Variants in KDM6A observed in about 807,000 individuals in gnomAD.
KDM6A encodes the protein lysine-specific demethylase 6A.
KDM6A carries 11 observed loss-of-function variants against 117.6 expected under a neutral mutation model. That is an observed-to-expected ratio of 0.09 (90% CI 0.06 to 0.15). The LOEUF is 0.15. Ranked by LOEUF, KDM6A falls within the 10% of genes least tolerant of loss-of-function variation. The pLI, the probability that KDM6A is intolerant of heterozygous loss-of-function variation, is 1.00. For synonymous variants in KDM6A, 384 were observed against 396.1 expected, an observed-to-expected ratio of 0.97 and a Z score of 0.36; for missense variants, 799 against 1,077.3, an observed-to-expected ratio of 0.74 and a Z score of 3.62.
intron 2 of KDM6A, among the ~76,000 whole-genome samples, chrX:44,895,068 C>CTTTTA (rs1236279944): frequency 3.1e-5 from 3 of 97,596 alleles, no homozygotes; most frequent in African/African-American, 1.1e-4. Context: ...CGCCCAGCAA[C>CTTTTA]TTTTATTTTA....
rs761298679 is a variant in KDM6A, at chrX:45,070,615, C to T, written c.2858+258C>T. On this transcript the variant is annotated intron_variant, in intron 18 of 29. Coordinates refer to ENST00000611820, the MANE Select transcript of KDM6A (RefSeq NM_001291415.2). The stretch of plus-strand genomic sequence containing the variant: ...CCTCTACTGGTTACTAGGTTGTCAG[C>T]TTCAGTGTGATTGACTTCGCTCTGG... Among the ~76,000 whole-genome samples, 4 of 110,674 alleles carry T rather than the reference C, an allele frequency of 3.6e-5. No individual in the cohort carries two copies. The East Asian group carries it at 1.1e-3, about 32-fold the overall frequency.
intron 17 of KDM6A, among the ~76,000 whole-genome samples, chrX:45,067,477 G>A (rs1056521671): frequency 9.1e-6 from 1 of 110,474 alleles, no homozygotes; most frequent in Non-Finnish European, 1.9e-5. Flanking sequence ...GACTTTCTTG[G>A]ATAATATTTT....
rs755522514 is a variant in KDM6A at position 45,006,748 on chromosome X, A to G, written c.385-4213A>G. ...AAGGTAAAGGATTGAACATACTGAC[A>G]TATTGATTCTTTGAAAAGAAATTTA... On this transcript the variant is annotated intron_variant, in intron 4 of 29. Transcript: ENST00000611820. 2.7e-5 allele frequency among the ~76,000 whole-genome samples: 3 copies of G among 111,313 alleles called. No homozygotes were observed. The South Asian group carries it at 1.1e-3, about 42-fold the overall frequency.
At chrX:44,955,043 A>G (rs936085469) in intron 2 of KDM6A, among the ~76,000 whole-genome samples, 3 of 111,935 alleles carry the variant, frequency 2.7e-5, no homozygotes, top group Admixed American at 1.9e-4. Context: ...ATTTTTGAAC[A>G]GTGCCAGAAA....
intron 4 of KDM6A, among the ~76,000 whole-genome samples, chrX:44,992,883 A>G (rs923007091): frequency 2.7e-5 from 3 of 111,681 alleles, no homozygotes; most frequent in Non-Finnish European, 5.6e-5. Context: ...AAGGTATCTA[A>G]TAATATTTTA....
rs368265159 is a variant in KDM6A, at chrX:45,076,757, A to G, written c.2919A>G (p.Pro973=). 16 of 1,183,705 alleles carry G rather than the reference A, an allele frequency of 1.4e-5. No homozygotes were observed. The highest frequency in any genetic ancestry group is 1.8e-5 in the Non-Finnish European group (16 of 873,654). Residue 973 remains proline, a synonymous_variant, in exon 19 of 30, where the codon CCA becomes CCG. Transcript: ENST00000611820. ...SSILLDKCPP[P]RPPSSPYPPL... is the part of the protein sequence containing the mutation. ...TTTTGTTGGATAAATGTCCACCTCC[A>G]AGACCACCATCTTCACCATACCCTC...
intron 2 of KDM6A, among the ~76,000 whole-genome samples, chrX:44,943,033 A>T (rs1285521442): frequency 9.0e-6 from 1 of 111,510 alleles, no homozygotes; most frequent in East Asian, 2.8e-4. Flanking sequence ...TTGTATTGTC[A>T]TACATTTTAT....
At chrX:45,068,575 AAAAAG>A (rs2044646639) in intron 17 of KDM6A, among the ~76,000 whole-genome samples, 1 of 106,563 alleles carries the variant, frequency 9.4e-6, no homozygotes, top group Non-Finnish European at 1.9e-5. Flanking sequence ...AAAAAAAAAA[AAAAAG>A]AGAGACACAA....
At chrX:44,964,673 G>A (rs1051530101) in intron 3 of KDM6A, among the ~76,000 whole-genome samples, 8 of 111,444 alleles carry the variant, frequency 7.2e-5, no homozygotes, top group South Asian at 3.7e-4. Context: ...ATATTCAGTC[G>A]ACTGTGCTGT....
chrX:44,889,940 T>A (rs897525361), intron 2 of KDM6A, among the ~76,000 whole-genome samples: 4 of 112,498 alleles, frequency 3.6e-5, no homozygotes, highest in African/African-American at 1.3e-4. Flanking sequence ...TTCCCCCAAC[T>A]GTAGCATCTT....
chrX:44,896,983 C>T (rs1214043933), intron 2 of KDM6A, among the ~76,000 whole-genome samples: 1 of 109,885 alleles, frequency 9.1e-6, no homozygotes, highest in African/African-American at 3.3e-5. Context: ...GTTTACTCAC[C>T]TTTTTGTATC....
chrX:45,009,652 C>T, intron 4 of KDM6A, among the ~76,000 whole-genome samples: 1 of 111,578 alleles, frequency 9.0e-6, no homozygotes, highest in Middle Eastern at 4.6e-3. Flanking sequence ...GGGCTTTAAA[C>T]ATCATTGGTT....
chrX:44,948,159 G>A (rs940002916), intron 2 of KDM6A, among the ~76,000 whole-genome samples: 5 of 111,954 alleles, frequency 4.5e-5, no homozygotes, highest in Admixed American at 9.6e-5. Flanking sequence ...TGGCTTACAT[G>A]GAAGATTGAT....
At chrX:45,003,261 T>C (rs1376361681) in intron 4 of KDM6A, among the ~76,000 whole-genome samples, 1 of 110,906 alleles carries the variant, frequency 9.0e-6, no homozygotes, top group Non-Finnish European at 1.9e-5. Context: ...AGGGAGGAAC[T>C]GTCTATCGTC....
intron 27 of KDM6A, among the ~76,000 whole-genome samples, chrX:45,102,721 T>C (rs909672358): frequency 8.9e-6 from 1 of 112,033 alleles, no homozygotes; most frequent in African/African-American, 3.2e-5. Flanking sequence ...TGCATTCTCA[T>C]GGTTAATATA....
chrX:45,003,238 A>G (rs978920072), intron 4 of KDM6A, among the ~76,000 whole-genome samples: 9 of 110,228 alleles, frequency 8.2e-5, no homozygotes, highest in African/African-American at 2.0e-4. Flanking sequence ...TTTTCCGTCA[A>G]TCACCCAGGA....
chrX:45,095,125 G>A (rs2046050889), intron 27 of KDM6A, among the ~76,000 whole-genome samples: 1 of 111,382 alleles, frequency 9.0e-6, no homozygotes, highest in Non-Finnish European at 1.9e-5. Flanking sequence ...TAATAATAAT[G>A]CTAGTTAATA....
chrX:45,100,523 G>A (rs1335716179), intron 27 of KDM6A, among the ~76,000 whole-genome samples: 2 of 111,627 alleles, frequency 1.8e-5, no homozygotes, highest in Non-Finnish European at 3.8e-5. Flanking sequence ...GCCAAGGAGT[G>A]CATTTTCCTC....
rs2041190144 is a variant in KDM6A at position 45,002,488 on chromosome X, T to A, written c.385-8473T>A. Among the ~76,000 whole-genome samples, 4 of 112,412 alleles carry A rather than the reference T, an allele frequency of 3.6e-5. No individual in the cohort carries two copies. In the South Asian group the frequency reaches 1.4e-3, roughly 41 times the overall value. The stretch of plus-strand genomic sequence containing the variant: ...AGAATTTCCTTTACAATTAACATTT[T>A]AAAAATTGCTCAAACCTTTAAAACA... On this transcript the variant is annotated intron_variant, in intron 4 of 29. Coordinates refer to ENST00000611820, the MANE Select transcript of KDM6A (RefSeq NM_001291415.2).
Sources: gnomAD v4.1 joint callset for allele counts (sites outside exome capture counted in the v4.1 genomes callset) on GRCh38, gnomAD v4.1.1 for gene constraint, MANE v1.5 for transcripts, NCBI Gene and HGNC (gene_info 2026-07-23, HGNC 2026-07-21) for gene names.